The following KCTD16 variants were observed in gnomAD, a reference collection of about 807,000 sequenced individuals.
KCTD16 encodes BTB/POZ domain-containing protein KCTD16.
A neutral mutation model predicts 33.2 loss-of-function variants in KCTD16; 13 were observed. That is an observed-to-expected ratio of 0.39 (90% CI 0.25 to 0.62). The LOEUF is 0.62. Among genes scored for constraint, KCTD16 ranks in the 20% least tolerant of loss-of-function variants. The probability of loss-of-function intolerance (pLI) is 0.50; values close to 1 mark genes in which losing one functional copy is unlikely to be tolerated. For missense variants in KCTD16, 441 were observed against 525.1 expected, an observed-to-expected ratio of 0.84 and a Z score of 1.57; for synonymous variants, 197 against 195.3, an observed-to-expected ratio of 1.01 and a Z score of -0.07.
In KCTD16 at chr5:144,343,271, A is replaced by G. The variant is rs554572555; in HGVS notation, c.833-130389A>G. Among the ~76,000 whole-genome samples the G allele has an allele frequency of 2.3e-3, 357 of 152,250 alleles. 2 individuals carry two copies. The highest frequency in any genetic ancestry group is 3.3e-3 in the Non-Finnish European group (222 of 68,006). Reference sequence around the variant, plus strand: ...CAATTTCAGAGCCTGTTATTGGTCTATTCAGAGATTCAACTTCTTCCTGGT... The same window carrying G: ...CAATTTCAGAGCCTGTTATTGGTCTGTTCAGAGATTCAACTTCTTCCTGGT... On this transcript the variant is annotated intron_variant, in intron 3 of 3. Transcript: ENST00000512467.
At chr5:144,240,386 CT>C (rs894764470) in intron 3 of KCTD16, among the ~76,000 whole-genome samples, 3 of 151,400 alleles carry the variant, frequency 2.0e-5, no homozygotes, top group African/African-American at 7.3e-5. Context: ...TGTATTTTTT[CT>C]TTGTTTTTTT....
chr5:144,262,978 G>T (rs553775542), intron 3 of KCTD16, among the ~76,000 whole-genome samples: 2 of 152,282 alleles, frequency 1.3e-5, no homozygotes, highest in East Asian at 1.9e-4. Flanking sequence ...ATAGACAGAT[G>T]AATGATGATG....
chr5:144,248,406 A>G (rs1215052871), intron 3 of KCTD16, among the ~76,000 whole-genome samples: 2 of 152,222 alleles, frequency 1.3e-5, no homozygotes, highest in Admixed American at 6.5e-5. Context: ...GATGAAACAA[A>G]CTGGCAGGAA....
intron 3 of KCTD16, among the ~76,000 whole-genome samples, chr5:144,326,125 G>A (rs1313871165): frequency 1.3e-5 from 2 of 152,116 alleles, no homozygotes; most frequent in Non-Finnish European, 1.5e-5. Flanking sequence ...ATGAAAACAA[G>A]TATATTTTAT....
At chr5:144,424,976 A>G (rs1169550319) in intron 3 of KCTD16, among the ~76,000 whole-genome samples, 2 of 152,162 alleles carry the variant, frequency 1.3e-5, no homozygotes, top group Non-Finnish European at 1.5e-5. Context: ...TTGTATTCCA[A>G]TAGCTCCCAA....
At chr5:144,287,725 C>G (rs1384742533) in intron 3 of KCTD16, among the ~76,000 whole-genome samples, 1 of 152,074 alleles carries the variant, frequency 6.6e-6, no homozygotes, top group East Asian at 1.9e-4. Flanking sequence ...CAACCTCCGT[C>G]TCCCGGGTTC....
intron 3 of KCTD16, among the ~76,000 whole-genome samples, chr5:144,210,723 A>G (rs1489143321): frequency 6.6e-6 from 1 of 152,172 alleles, no homozygotes; most frequent in Non-Finnish European, 1.5e-5. Flanking sequence ...ATGGAAATAA[A>G]TGAACCTTTA....
At chr5:144,179,364 G>A (rs1283042716) in intron 2 of KCTD16, among the ~76,000 whole-genome samples, 1 of 152,108 alleles carries the variant, frequency 6.6e-6, no homozygotes. Context: ...CTCCCCCCAT[G>A]GGAACCAGGA....
intron 3 of KCTD16, among the ~76,000 whole-genome samples, chr5:144,230,008 A>G (rs1024976102): frequency 2.6e-5 from 4 of 152,132 alleles, no homozygotes; most frequent in African/African-American, 9.7e-5. Flanking sequence ...TGGACATGGT[A>G]GCTTGTGCCT....
intron 3 of KCTD16, among the ~76,000 whole-genome samples, chr5:144,351,311 A>G (rs1250231955): frequency 6.6e-6 from 1 of 152,160 alleles, no homozygotes; most frequent in Non-Finnish European, 1.5e-5. Flanking sequence ...AGGACATATG[A>G]CATCACTAGT....
chr5:144,359,985 C>A (rs1227706227), intron 3 of KCTD16, among the ~76,000 whole-genome samples: 1 of 152,096 alleles, frequency 6.6e-6, no homozygotes, highest in Non-Finnish European at 1.5e-5. Context: ...CTGGTCCATA[C>A]CCAGAATGTC....
At chr5:144,470,658 C>T (rs1321118117) in intron 3 of KCTD16, among the ~76,000 whole-genome samples, 2 of 152,106 alleles carry the variant, frequency 1.3e-5, no homozygotes, top group Non-Finnish European at 2.9e-5. Flanking sequence ...TTAAGTTGTT[C>T]AATTCCCCTT....
At chr5:144,329,221 T>G (rs979603413) in intron 3 of KCTD16, among the ~76,000 whole-genome samples, 3 of 152,194 alleles carry the variant, frequency 2.0e-5, no homozygotes, top group Non-Finnish European at 4.4e-5. Context: ...GTAATGAATG[T>G]CTTAGATTAC....
intron 3 of KCTD16, among the ~76,000 whole-genome samples, chr5:144,301,577 C>G (rs1751444863): frequency 6.6e-6 from 1 of 152,140 alleles, no homozygotes; most frequent in Non-Finnish European, 1.5e-5. Context: ...TTGGAAAATT[C>G]TTGCCTTAAG....
At chr5:144,433,592 G>T (rs1753514319) in intron 3 of KCTD16, among the ~76,000 whole-genome samples, 1 of 152,064 alleles carries the variant, frequency 6.6e-6, no homozygotes, top group South Asian at 2.1e-4. Context: ...ATTTGTTTTT[G>T]ACCTCTGGCA....
At chr5:144,247,471 A>G (rs1249486517) in intron 3 of KCTD16, among the ~76,000 whole-genome samples, 11 of 152,176 alleles carry the variant, frequency 7.2e-5, no homozygotes, top group Non-Finnish European at 1.6e-4. Context: ...AGTTCCCAGC[A>G]ATCAAGTCTT....
chr5:144,442,798 C>T (rs1753742197), intron 3 of KCTD16, among the ~76,000 whole-genome samples: 1 of 151,990 alleles, frequency 6.6e-6, no homozygotes, highest in African/African-American at 2.4e-5. Context: ...TTTATAGAAC[C>T]ACAACTAAGG....
chr5:144,472,181 G>C (rs712173), intron 3 of KCTD16, among the ~76,000 whole-genome samples: 1 of 151,964 alleles, frequency 6.6e-6, no homozygotes, highest in African/African-American at 2.4e-5. Context: ...AAGGTACTAC[G>C]TTATCCTTGT....
rs959183180 is a variant in KCTD16 at position 144,258,965 on chromosome 5, A to G, written c.832+51419A>G. ...CCTGAAAATTTTTGATGAGCCATAA[A>G]AAAAGGGATGAGGCCGGGTGCGGTG... On this transcript the variant is annotated intron_variant, in intron 3 of 3. Coordinates refer to ENST00000512467, the MANE Select transcript of KCTD16 (RefSeq NM_020768.4). Among the ~76,000 whole-genome samples, 8 of 152,086 alleles carry G rather than the reference A, an allele frequency of 5.3e-5. No homozygotes were observed. In the East Asian group the frequency reaches 1.2e-3, roughly 22 times the overall value.
Sources: gnomAD v4.1 joint callset for allele counts (sites outside exome capture counted in the v4.1 genomes callset) on GRCh38, gnomAD v4.1.1 for gene constraint, MANE v1.5 for transcripts, NCBI Gene and HGNC (gene_info 2026-07-23, HGNC 2026-07-21) for gene names.